The following DPP6 variants were observed in gnomAD, a reference collection of about 807,000 sequenced individuals.
DPP6 encodes A-type potassium channel modulatory protein DPP6.
DPP6 carries 69 observed loss-of-function variants against 122.6 expected under a neutral mutation model. The ratio of observed to expected loss-of-function variants is 0.56; its 90% CI spans 0.46 to 0.69. The LOEUF (loss-of-function observed/expected upper bound fraction) is 0.69, where lower values mean the gene tolerates loss of function less well. Among genes scored for constraint, DPP6 ranks in the 30% least tolerant of loss-of-function variants. The pLI is 0.00. For missense variants in DPP6, 928 were observed against 1,116.9 expected (o/e 0.83, Z 2.41); for synonymous variants, 418 against 433.1 (o/e 0.97, Z 0.43).
intron 2 of DPP6, among the ~76,000 whole-genome samples, chr7:154,470,781 T>C (rs1182124953): frequency 6.6e-6 from 1 of 152,162 alleles, no homozygotes; most frequent in Non-Finnish European, 1.5e-5. Flanking sequence ...GGAACTTTAT[T>C]TTTCAGTGAT....
chr7:154,696,868 G>T (rs1033505844), intron 7 of DPP6, among the ~76,000 whole-genome samples: 2 of 152,192 alleles, frequency 1.3e-5, no homozygotes, highest in African/African-American at 4.8e-5. Flanking sequence ...GCCTCGGGGG[G>T]CCGGTCACAG....
chr7:154,130,045 C>T (rs541576499), intron 1 of DPP6, among the ~76,000 whole-genome samples: 6 of 151,562 alleles, frequency 4.0e-5, no homozygotes, highest in East Asian at 1.9e-4. Context: ...GCCGAGATCG[C>T]GCCATTGCAC....
rs1250765943 is a variant in DPP6 at position 154,483,541 on chromosome 7, A to G, written c.457+8504A>G. Among the ~76,000 whole-genome samples the G allele has an allele frequency of 6.6e-6, 1 of 152,250 alleles. No individual in the cohort carries two copies. Among genetic ancestry groups the G allele is most frequent in the African/African-American group, 2.4e-5 (1 of 41,472 alleles). On this transcript the variant is annotated intron_variant, in intron 3 of 25. Coordinates refer to ENST00000377770, the MANE Select transcript of DPP6 (RefSeq NM_130797.4). This position sits in a 1 kb window ranked among gnomAD's most constrained non-coding sequence, Gnocchi z 8.1. The stretch of plus-strand genomic sequence containing the variant: ...AAGCAAAGCAACTATCTGATTGGTT[A>G]CAGTTATGGAGTTGCCTTATTTGGT...
intron 1 of DPP6, among the ~76,000 whole-genome samples, chr7:154,372,419 C>T (rs918498498): frequency 1.3e-5 from 2 of 152,148 alleles, no homozygotes; most frequent in Admixed American, 6.5e-5. Context: ...CCATGAGTCG[C>T]CCCCAACACG....
At chr7:154,063,209 AC>A (rs760072976) in intron 1 of DPP6, among the ~76,000 whole-genome samples, 945 of 75,696 alleles carry the variant, frequency 0.012, 111 homozygotes, top group African/African-American at 0.035. Flanking sequence ...TTGGGGAGGC[AC>A]CCCCCCGCGA....
chr7:154,128,177 G>T (rs1332295148), intron 1 of DPP6, among the ~76,000 whole-genome samples: 1 of 150,882 alleles, frequency 6.6e-6, no homozygotes, highest in African/African-American at 2.4e-5. Context: ...TGAATTTTAT[G>T]CTGGAACAAG....
At chr7:154,232,995 G>A (rs955015255) in intron 1 of DPP6, among the ~76,000 whole-genome samples, 3 of 152,210 alleles carry the variant, frequency 2.0e-5, no homozygotes, top group Admixed American at 6.5e-5. Flanking sequence ...TCCTGCTCGT[G>A]TCAAAAATAA....
At chr7:154,859,225 C>T (rs1028741993) in intron 17 of DPP6, among the ~76,000 whole-genome samples, 3 of 152,248 alleles carry the variant, frequency 2.0e-5, no homozygotes, top group Admixed American at 6.5e-5. Flanking sequence ...TTGCACCTCA[C>T]GCCTCTGTTG....
intron 1 of DPP6, among the ~76,000 whole-genome samples, chr7:153,902,765 AG>A (rs1481180107): frequency 1.3e-5 from 2 of 151,952 alleles, no homozygotes; most frequent in African/African-American, 4.8e-5. Context: ...GAACCTGGGA[AG>A]GGGAGGTTGC....
chr7:154,172,167 A>G lies in DPP6; in HGVS notation c.243+119104A>G, dbSNP rs1396930245. 5.7e-3 allele frequency among the ~76,000 whole-genome samples: 582 copies of G among 102,404 alleles called. 3 individuals are homozygous for G. The highest frequency in any genetic ancestry group is 0.022 in the African/African-American group (561 of 25,654). The allele number at this position is 102,404 out of a possible 152,430, so 67.2% of individuals were successfully genotyped here. On this transcript the variant is annotated intron_variant, in intron 1 of 25. Transcript: ENST00000377770. ...CTTCTTCCCTGCCTGCCTGCCTGCC[A>G]CAGGTGTTTAATGAACATCAACTAT...
In DPP6 at chr7:154,892,351, C is replaced by T. The variant is rs771075469; in HGVS notation, c.2469C>T (p.Ser823=). The T allele has an allele frequency of 6.2e-7, 1 of 1,614,038 alleles. No individual in the cohort carries two copies. Among genetic ancestry groups the T allele is most frequent in the Non-Finnish European group, 8.5e-7 (1 of 1,179,900 alleles). The change falls in exon 26 of 26, where the codon AGC becomes AGT. Residue 823 remains serine, a synonymous_variant. Coordinates refer to ENST00000377770, the MANE Select transcript of DPP6 (RefSeq NM_130797.4). ...NYSLQIYPDE[S]HYFTSSSLKQ... ...CCTTGCAGATTTACCCGGACGAAAG[C>T]CATTACTTTACCAGCTCCAGCCTCA...
intron 7 of DPP6, among the ~76,000 whole-genome samples, chr7:154,716,979 G>A (rs55897500): frequency 0.39 from 58,633 of 151,796 alleles, 13,028 homozygotes; most frequent in South Asian, 0.53. Flanking sequence ...GATTACAGGC[G>A]TGCACCACAA....
At chr7:153,910,017 A>C (rs1365687823) in intron 1 of DPP6, among the ~76,000 whole-genome samples, 1 of 151,980 alleles carries the variant, frequency 6.6e-6, no homozygotes, top group East Asian at 1.9e-4. Flanking sequence ...TCCTATGGAG[A>C]GGGTATATAA....
chr7:154,591,852 G>A (rs552332978), intron 5 of DPP6, among the ~76,000 whole-genome samples: 1 of 152,214 alleles, frequency 6.6e-6, no homozygotes, highest in African/African-American at 2.4e-5. Flanking sequence ...GAGGTTCAAG[G>A]AATGCTAGAC....
At chr7:154,416,523 A>G (rs1250923829) in intron 1 of DPP6, among the ~76,000 whole-genome samples, 2 of 152,160 alleles carry the variant, frequency 1.3e-5, no homozygotes, top group Non-Finnish European at 2.9e-5. Context: ...TTTTATTATT[A>G]ATTCTAAAAA....
chr7:154,310,711 G>A (rs1288074771), intron 1 of DPP6, among the ~76,000 whole-genome samples: 1 of 152,150 alleles, frequency 6.6e-6, no homozygotes, highest in Non-Finnish European at 1.5e-5. Flanking sequence ...AACCTTCACC[G>A]AAACATCTTA....
intron 1 of DPP6, among the ~76,000 whole-genome samples, chr7:154,291,857 C>A (rs1471331802): frequency 3.9e-5 from 6 of 152,168 alleles, no homozygotes; most frequent in Admixed American, 3.9e-4. Flanking sequence ...TCCTATTAAA[C>A]ATAAACACTT....
At chr7:154,057,359 G>C (rs553513846) in intron 1 of DPP6, 1 of 197,692 alleles carries the variant, frequency 5.1e-6, no homozygotes, top group Non-Finnish European at 9.0e-6. Context: ...CGCGAGGCGG[G>C]GACTGAGAGC....
At chr7:154,422,114 G>C (rs373686060) in intron 1 of DPP6, among the ~76,000 whole-genome samples, 1 of 152,222 alleles carries the variant, frequency 6.6e-6, no homozygotes, top group Non-Finnish European at 1.5e-5. Flanking sequence ...TGTAGTTACA[G>C]AGAAAGAGGA....
Sources: allele counts gnomAD v4.1 joint callset (sites outside exome capture counted in the v4.1 genomes callset), GRCh38; gene constraint gnomAD v4.1.1; non-coding constraint Gnocchi (gnomAD v3.1); transcripts MANE v1.5; gene names NCBI Gene and HGNC (gene_info 2026-07-23, HGNC 2026-07-21).